The following KCNQ3 variants were observed in gnomAD, a reference collection of about 807,000 sequenced individuals.
KCNQ3 encodes potassium voltage-gated channel subfamily KQT member 3.
In KCNQ3, 30 loss-of-function variants were observed where a neutral mutation model predicts 92.5. That is an observed-to-expected ratio of 0.32 (90% CI 0.24 to 0.44). KCNQ3 has a LOEUF of 0.44. Ranked by LOEUF, KCNQ3 falls within the 20% of genes least tolerant of loss-of-function variation. The pLI is 1.00. For missense variants in KCNQ3, 913 were observed against 1,140.3 expected (o/e 0.80, Z 2.87); for synonymous variants, 450 against 468.8 (o/e 0.96, Z 0.52).
intron 1 of KCNQ3, among the ~76,000 whole-genome samples, chr8:132,381,007 AGAAG>A (rs1363341619): frequency 6.6e-6 from 1 of 152,102 alleles, no homozygotes; most frequent in Non-Finnish European, 1.5e-5. Context: ...CCAGGAACAA[AGAAG>A]GGAGGATAGA....
At chr8:132,175,302 G>T in intron 5 of KCNQ3, 151 bp downstream of exon 5, 2 of 847,328 alleles carry the variant, frequency 2.4e-6, no homozygotes, top group Non-Finnish European at 4.0e-6. Flanking sequence ...AGGGTCTTCT[G>T]TCAGCAGGTT....
intron 1 of KCNQ3, among the ~76,000 whole-genome samples, chr8:132,435,363 C>T (rs1415187925): frequency 6.6e-6 from 1 of 152,178 alleles, no homozygotes; most frequent in Non-Finnish European, 1.5e-5. Context: ...GCCACCGTGC[C>T]AGCCGACCAG....
At chr8:132,203,609 TCAGA>T (rs1315280349) in intron 1 of KCNQ3, among the ~76,000 whole-genome samples, 8 of 152,110 alleles carry the variant, frequency 5.3e-5, no homozygotes, top group African/African-American at 1.7e-4. Flanking sequence ...AATTCAGGAG[TCAGA>T]CAGGGAATGA....
intron 1 of KCNQ3, among the ~76,000 whole-genome samples, chr8:132,227,702 C>T (rs1008456028): frequency 6.6e-6 from 1 of 152,162 alleles, no homozygotes; most frequent in African/African-American, 2.4e-5. Context: ...TCCCGGGGCT[C>T]CAAGGAAAAA....
intron 13 of KCNQ3, among the ~76,000 whole-genome samples, chr8:132,133,487 C>T (rs538016661): frequency 3.3e-5 from 5 of 151,324 alleles, no homozygotes; most frequent in African/African-American, 4.8e-5. Flanking sequence ...TCCCAAGTAG[C>T]TGGGACTACA....
intron 1 of KCNQ3, among the ~76,000 whole-genome samples, chr8:132,203,726 T>C (rs7016820): frequency 0.12 from 17,955 of 152,206 alleles, 2,005 homozygotes; most frequent in African/African-American, 0.29. Context: ...GATAATCATT[T>C]AAACTCAAAG....
intron 1 of KCNQ3, among the ~76,000 whole-genome samples, chr8:132,382,464 A>C (rs1819778604): frequency 6.6e-6 from 1 of 152,238 alleles, no homozygotes; most frequent in African/African-American, 2.4e-5. Context: ...CACCGAAGCC[A>C]AGCAGATGCT....
At chr8:132,277,729 A>G (rs2077544309) in intron 1 of KCNQ3, among the ~76,000 whole-genome samples, 1 of 152,190 alleles carries the variant, frequency 6.6e-6, no homozygotes, top group African/African-American at 2.4e-5. Context: ...CCCTGCTGGC[A>G]GTCCCCAAAG....
intron 1 of KCNQ3, among the ~76,000 whole-genome samples, chr8:132,218,361 T>C (rs1264743965): frequency 6.6e-6 from 1 of 152,240 alleles, no homozygotes; most frequent in Admixed American, 6.5e-5. Context: ...GAATGGCATC[T>C]GGCACATGTG....
chr8:132,232,799 G>A (rs974195965), intron 1 of KCNQ3, among the ~76,000 whole-genome samples: 64 of 152,286 alleles, frequency 4.2e-4, no homozygotes, highest in African/African-American at 1.5e-3. Flanking sequence ...CTTGTGGATT[G>A]GGGTGTTCGT....
At chr8:132,318,994 A>C (rs769172032) in intron 1 of KCNQ3, among the ~76,000 whole-genome samples, 2 of 152,226 alleles carry the variant, frequency 1.3e-5, no homozygotes, top group Non-Finnish European at 2.9e-5. Flanking sequence ...GGAAGGTTTC[A>C]GGAAGACTGT....
intron 1 of KCNQ3, among the ~76,000 whole-genome samples, chr8:132,323,064 G>A (rs1024852585): frequency 5.9e-5 from 9 of 152,228 alleles, no homozygotes; most frequent in Middle Eastern, 3.4e-3. Flanking sequence ...TGCCCATCAC[G>A]GATCCGGGAA....
intron 3 of KCNQ3, 130 bp from the exon 4 acceptor site, chr8:132,180,459 C>T (rs1826723005): frequency 2.2e-6 from 2 of 925,190 alleles, no homozygotes; most frequent in East Asian, 2.5e-5. Context: ...CTGAGCACTG[C>T]TGTTGAATCT....
intron 9 of KCNQ3, among the ~76,000 whole-genome samples, chr8:132,155,156 T>C (rs1228679002): frequency 1.3e-5 from 2 of 152,202 alleles, no homozygotes; most frequent in Non-Finnish European, 2.9e-5. Context: ...TACATTGTTC[T>C]TTTCAGCTGA....
intron 1 of KCNQ3, among the ~76,000 whole-genome samples, chr8:132,351,986 A>C (rs1198679831): frequency 2.0e-5 from 3 of 152,212 alleles, no homozygotes; most frequent in Admixed American, 6.5e-5. Context: ...CAGCAGGCTT[A>C]GAGTCGGCAT....
At chr8:132,209,247 CA>C (rs1230999105) in intron 1 of KCNQ3, among the ~76,000 whole-genome samples, 1 of 152,114 alleles carries the variant, frequency 6.6e-6, no homozygotes. Flanking sequence ...AGTAAGTCTC[CA>C]CCCTCCCTGA....
chr8:132,284,920 C>T (rs1816633706), intron 1 of KCNQ3, among the ~76,000 whole-genome samples: 1 of 152,338 alleles, frequency 6.6e-6, no homozygotes, highest in South Asian at 2.1e-4. Context: ...TTTGCATGCA[C>T]TTGCTTGCTC....
At chr8:132,208,633 G>T (rs1813748482) in intron 1 of KCNQ3, among the ~76,000 whole-genome samples, 1 of 152,018 alleles carries the variant, frequency 6.6e-6, no homozygotes, top group African/African-American at 2.4e-5. Context: ...GGAATATCAG[G>T]GTCAGAAAAT....
chr8:132,282,221 C>T (rs975018891), intron 1 of KCNQ3, among the ~76,000 whole-genome samples: 3 of 152,200 alleles, frequency 2.0e-5, no homozygotes, highest in African/African-American at 7.2e-5. Flanking sequence ...GTGAATTACA[C>T]TATGACCTCC....
Sources: allele counts gnomAD v4.1 joint callset (sites outside exome capture counted in the v4.1 genomes callset), GRCh38; gene constraint gnomAD v4.1.1; transcripts MANE v1.5; gene names NCBI Gene and HGNC (gene_info 2026-07-23, HGNC 2026-07-21).